H2BN1: variants seen among roughly 807,000 people sequenced by gnomAD.
H2BN1 encodes histone H2B.N.
At chr17:32,902,880 T>G in the H2BN1 span, among the ~76,000 whole-genome samples, 1 of 152,022 alleles carries the variant, frequency 6.6e-6, no homozygotes, top group Non-Finnish European at 1.5e-5. Context: ...GATCATTCTG[T>G]TTTTGGGCTG....
the H2BN1 span, among the ~76,000 whole-genome samples, chr17:32,905,038 A>C: frequency 1.3e-5 from 2 of 151,940 alleles, no homozygotes; most frequent in African/African-American, 4.8e-5. Flanking sequence ...CCAAGACAAA[A>C]CTCCAATTCA....
At chr17:32,900,605 G>A in the H2BN1 span, among the ~76,000 whole-genome samples, 469 of 150,640 alleles carry the variant, frequency 3.1e-3, 3 homozygotes, top group African/African-American at 0.011. Flanking sequence ...TTTTTGAAAC[G>A]GAGTCTTGCT....
the H2BN1 span, among the ~76,000 whole-genome samples, chr17:32,900,406 T>C: frequency 2.4e-4 from 36 of 152,230 alleles, no homozygotes; most frequent in Non-Finnish European, 4.0e-4. Flanking sequence ...TATAATTTGA[T>C]TTTGGAAATT....
the H2BN1 span, among the ~76,000 whole-genome samples, chr17:32,902,112 G>GA: frequency 0.15 from 21,165 of 141,558 alleles, 1,812 homozygotes; most frequent in Middle Eastern, 0.31. Flanking sequence ...CTTTCTTACC[G>GA]AAAAAAAAAA....
At chr17:32,905,665 A>G in the H2BN1 span, 1 of 152,270 alleles carries the variant, frequency 6.6e-6, no homozygotes, top group Middle Eastern at 3.4e-3. Flanking sequence ...TATTTTAGGG[A>G]GACATGAGAC....
At chr17:32,898,507 C>T in the H2BN1 span, among the ~76,000 whole-genome samples, 2 of 152,182 alleles carry the variant, frequency 1.3e-5, no homozygotes, top group African/African-American at 4.8e-5. Context: ...CTCAGTTTGG[C>T]TTTTCCCTTT....
chr17:32,905,189 A>G, the H2BN1 span, among the ~76,000 whole-genome samples: 1 of 152,196 alleles, frequency 6.6e-6, no homozygotes, highest in Non-Finnish European at 1.5e-5. Context: ...ATCGTCCTGT[A>G]AACAGGAAAT....
chr17:32,906,176 C>T, the H2BN1 span: 1 of 152,178 alleles, frequency 6.6e-6, no homozygotes, highest in Admixed American at 6.5e-5. Flanking sequence ...CACCTCTGTG[C>T]CATTTCTCCC....
At chr17:32,900,265 T>G in the H2BN1 span, among the ~76,000 whole-genome samples, 1 of 152,254 alleles carries the variant, frequency 6.6e-6, no homozygotes, top group East Asian at 1.9e-4. Flanking sequence ...TTGACTTGTT[T>G]CCTGTATAAT....
the H2BN1 span, among the ~76,000 whole-genome samples, chr17:32,901,164 G>C: frequency 6.6e-6 from 1 of 151,998 alleles, no homozygotes; most frequent in Non-Finnish European, 1.5e-5. Context: ...CCATTATCAC[G>C]CCACTGCACT....
the H2BN1 span, among the ~76,000 whole-genome samples, chr17:32,895,976 C>T: frequency 6.6e-6 from 1 of 152,222 alleles, no homozygotes; most frequent in African/African-American, 2.4e-5. Context: ...TAGCTCACTG[C>T]AGCCTCCATC....
chr17:32,902,317 T>C, the H2BN1 span, among the ~76,000 whole-genome samples: 1 of 152,198 alleles, frequency 6.6e-6, no homozygotes, highest in Non-Finnish European at 1.5e-5. Flanking sequence ...GACAGTGATC[T>C]CAGTTTTAAC....
the H2BN1 span, among the ~76,000 whole-genome samples, chr17:32,896,923 A>G: frequency 6.6e-6 from 1 of 152,136 alleles, no homozygotes; most frequent in African/African-American, 2.4e-5. Context: ...AGGACCCTCT[A>G]TGGGAGTACT....
chr17:32,899,081 A>G, the H2BN1 span, among the ~76,000 whole-genome samples: 3 of 152,250 alleles, frequency 2.0e-5, no homozygotes, highest in Admixed American at 1.3e-4. Flanking sequence ...ACTAGAATCT[A>G]ATAACAGGTG....
chr17:32,895,611 G>A, the H2BN1 span, among the ~76,000 whole-genome samples: 3 of 152,344 alleles, frequency 2.0e-5, no homozygotes, highest in Admixed American at 1.3e-4. Flanking sequence ...AAGCAAGTGA[G>A]TTGGTGCACT....
the H2BN1 span, among the ~76,000 whole-genome samples, chr17:32,898,184 C>T: frequency 6.6e-6 from 1 of 152,196 alleles, no homozygotes; most frequent in Non-Finnish European, 1.5e-5. Context: ...GACACAGTCT[C>T]AGGAGGTTCT....
chr17:32,904,461 A>G, the H2BN1 span, among the ~76,000 whole-genome samples: 3 of 152,134 alleles, frequency 2.0e-5, no homozygotes, highest in Admixed American at 6.5e-5. Flanking sequence ...GCTCTCATCC[A>G]CCATTACACA....
the H2BN1 span, among the ~76,000 whole-genome samples, chr17:32,902,749 A>G: frequency 1.3e-5 from 2 of 152,002 alleles, no homozygotes; most frequent in Non-Finnish European, 2.9e-5. Context: ...CTGAGGCAGG[A>G]GAATGGTGTG....
At chr17:32,905,614 G>A in the H2BN1 span, 1 of 152,184 alleles carries the variant, frequency 6.6e-6, no homozygotes, top group Non-Finnish European at 1.5e-5. Flanking sequence ...AGGCTCTGAT[G>A]ACATATGCCC....
Sources: allele counts gnomAD v4.1 joint callset (sites outside exome capture counted in the v4.1 genomes callset), GRCh38; gene constraint gnomAD v4.1.1; transcripts MANE v1.5; gene names NCBI Gene and HGNC (gene_info 2026-07-23, HGNC 2026-07-21).